The following TRAPPC9 variants were observed in gnomAD, a reference collection of about 807,000 sequenced individuals.
The protein encoded by TRAPPC9 is IKK2 binding protein.
Under a neutral mutation model 124.0 loss-of-function variants are expected in TRAPPC9, and 83 were observed. That is an observed-to-expected ratio of 0.67 (90% confidence interval 0.56 to 0.80). TRAPPC9 has a LOEUF of 0.80. TRAPPC9 is among the 30% of genes least tolerant of loss of function. The pLI, the probability that TRAPPC9 is intolerant of heterozygous loss-of-function variation, is 0.00. For synonymous variants in TRAPPC9, 638 were observed against 617.5 expected (o/e 1.03, Z -0.49); for missense variants, 1,302 against 1,508.3 (o/e 0.86, Z 2.27).
At chr8:140,112,766 C>T (rs2060806495) in intron 17 of TRAPPC9, among the ~76,000 whole-genome samples, 1 of 152,042 alleles carries the variant, frequency 6.6e-6, no homozygotes, top group Admixed American at 6.5e-5. Context: ...TCATGAGCTG[C>T]AATTCAAACC....
intron 19 of TRAPPC9, among the ~76,000 whole-genome samples, chr8:139,966,355 T>C (rs1211778166): frequency 6.6e-6 from 1 of 152,180 alleles, no homozygotes; most frequent in Admixed American, 6.5e-5. Context: ...CAGGGTGCTC[T>C]CACCCAGGGC....
chr8:140,195,743 G>T (rs988471908), intron 17 of TRAPPC9, among the ~76,000 whole-genome samples: 1 of 144,412 alleles, frequency 6.9e-6, no homozygotes, highest in Non-Finnish European at 1.5e-5. Context: ...AAAACACTCA[G>T]CAATCCACTG....
chr8:140,332,429 C>G (rs554805657), intron 9 of TRAPPC9, among the ~76,000 whole-genome samples: 1 of 152,188 alleles, frequency 6.6e-6, no homozygotes, highest in African/African-American at 2.4e-5. Flanking sequence ...AAAGTAACAA[C>G]AATTTTTTGT....
chr8:139,888,724 T>G (rs1358959952), intron 20 of TRAPPC9, among the ~76,000 whole-genome samples: 1 of 152,254 alleles, frequency 6.6e-6, no homozygotes, highest in African/African-American at 2.4e-5. Context: ...CAGCCTATGT[T>G]TGCTGAACTG....
In TRAPPC9 at chr8:140,365,303, C is replaced by T. The variant is rs112775062; in HGVS notation, c.1352-5110G>A. Among the ~76,000 whole-genome samples, 95 of 152,248 alleles carry T rather than the reference C, an allele frequency of 6.2e-4. No individual in the cohort carries two copies. The East Asian group carries it at 0.015, about 24-fold the overall frequency. ...GCATCCCACAGCTGGTCAGTAATGGCGTCCTGTGCTCCCACCAGCTGTGCA... is the reference window on the plus strand; with the variant it reads ...GCATCCCACAGCTGGTCAGTAATGGTGTCCTGTGCTCCCACCAGCTGTGCA... On this transcript the variant is annotated intron_variant, in intron 8 of 22. Coordinates refer to ENST00000438773, the MANE Select transcript of TRAPPC9 (RefSeq NM_001160372.4).
chr8:140,137,848 C>G (rs6996103), intron 17 of TRAPPC9, among the ~76,000 whole-genome samples: 1 of 152,068 alleles, frequency 6.6e-6, no homozygotes, highest in Non-Finnish European at 1.5e-5. Context: ...TAAACCATAA[C>G]CATATACGAT....
At chr8:139,811,732 T>C (rs758895172) in intron 21 of TRAPPC9, among the ~76,000 whole-genome samples, 47 of 152,226 alleles carry the variant, frequency 3.1e-4, no homozygotes, top group Admixed American at 3.9e-4. Context: ...ATCTAAATCC[T>C]AAATTCACCT....
chr8:140,025,093 A>G (rs1840062179), intron 17 of TRAPPC9, among the ~76,000 whole-genome samples: 1 of 152,214 alleles, frequency 6.6e-6, no homozygotes, highest in South Asian at 2.1e-4. Flanking sequence ...TGCACTCAGG[A>G]TGGCTGGGGA....
intron 7 of TRAPPC9, among the ~76,000 whole-genome samples, chr8:140,378,790 C>T (rs1314029999): frequency 6.6e-6 from 1 of 152,170 alleles, no homozygotes; most frequent in African/African-American, 2.4e-5. Context: ...TATTTTCTAT[C>T]CCTCCTATGT....
rs531887533 is a variant in TRAPPC9 at position 140,196,633 on chromosome 8, A to G, written c.2556+24826T>C. On this transcript the variant is annotated intron_variant, in intron 17 of 22. Coordinates refer to ENST00000438773, the MANE Select transcript of TRAPPC9 (RefSeq NM_001160372.4). ...CACCTGTGACACTAAAACACTCAAC[A>G]ATCCACTGTACAGATCACACCTGTA... Among the ~76,000 whole-genome samples, 145 of 149,542 alleles carry G rather than the reference A, an allele frequency of 9.7e-4. 3 individuals are homozygous for G. Among genetic ancestry groups the G allele is most frequent in the South Asian group, 7.8e-3 (36 of 4,644 alleles).
chr8:140,123,393 C>G (rs912357694), intron 17 of TRAPPC9, among the ~76,000 whole-genome samples: 1 of 152,234 alleles, frequency 6.6e-6, no homozygotes, highest in Non-Finnish European at 1.5e-5. Context: ...CTGCCTCTTG[C>G]TCAAATGCAG....
intron 21 of TRAPPC9, among the ~76,000 whole-genome samples, chr8:139,857,531 G>A (rs1827875995): frequency 6.6e-6 from 1 of 152,164 alleles, no homozygotes; most frequent in African/African-American, 2.4e-5. Flanking sequence ...CAAGTCCAAG[G>A]CCCGTTCACT....
chr8:139,768,792 C>G (rs1382978628), intron 21 of TRAPPC9, among the ~76,000 whole-genome samples: 1 of 152,190 alleles, frequency 6.6e-6, no homozygotes, highest in Non-Finnish European at 1.5e-5. Flanking sequence ...CCAAAAATTC[C>G]CATGTTGAAG....
Position 139,776,906 on chromosome 8 carries a change from G to A in TRAPPC9, c.3056-44704C>T, listed in dbSNP as rs35248145. 0.046 allele frequency among the ~76,000 whole-genome samples: 7,015 copies of A among 152,266 alleles called. 206 individuals carry two copies. The highest frequency in any genetic ancestry group is 0.072 in the Non-Finnish European group (4,871 of 68,026). On this transcript the variant is annotated intron_variant, in intron 21 of 22. Coordinates refer to ENST00000438773, the MANE Select transcript of TRAPPC9 (RefSeq NM_001160372.4). This position sits in a 1 kb window ranked among gnomAD's most constrained non-coding sequence, Gnocchi z 4.1. ...TTCGCCTAAACCACCAATTGATGAC[G>A]TGGGGGCTGTGCCTTGCACCCTCTG...
In TRAPPC9 at chr8:139,758,413, ACT is replaced by A. The variant is rs137992360; in HGVS notation, c.3056-26213_3056-26212del. On this transcript the variant is annotated intron_variant, in intron 21 of 22. Transcript: ENST00000438773. The stretch of plus-strand genomic sequence containing the variant: ...AAAGCTGAACTTGGCTCACATATTG[ACT>A]CTGTCAACATCCTAGCTCTCATACT... Among the ~76,000 whole-genome samples the A allele has an allele frequency of 8.5e-3, 1,290 of 152,238 alleles. 19 individuals are homozygous for A. The highest frequency in any genetic ancestry group is 0.03 in the African/African-American group (1,230 of 41,528).
intron 16 of TRAPPC9, among the ~76,000 whole-genome samples, chr8:140,228,367 C>T (rs1481960622): frequency 6.6e-6 from 1 of 152,150 alleles, no homozygotes; most frequent in Non-Finnish European, 1.5e-5. Context: ...ATAAAATATC[C>T]TCAAGAAAAC....
intron 19 of TRAPPC9, among the ~76,000 whole-genome samples, chr8:139,927,947 C>T (rs1048535097): frequency 6.6e-6 from 1 of 152,184 alleles, no homozygotes; most frequent in East Asian, 1.9e-4. Context: ...TGCTGTGGGA[C>T]AGACTGCAAA....
chr8:139,748,464 G>A lies in TRAPPC9; in HGVS notation c.3056-16262C>T, dbSNP rs529241949. Reference sequence around the variant, plus strand: ...TGTGCAGGGATCAGAGAAGATGCAGGGGGTACACACAGCAGGTGTCAGAGC... The same window carrying A: ...TGTGCAGGGATCAGAGAAGATGCAGAGGGTACACACAGCAGGTGTCAGAGC... On this transcript the variant is annotated intron_variant, in intron 21 of 22. Transcript: ENST00000438773. Among the ~76,000 whole-genome samples the A allele has an allele frequency of 7.4e-4, 106 of 142,348 alleles. 1 individual carries two copies. The South Asian group carries it at 0.012, about 15-fold the overall frequency. 93.4% of individuals were successfully genotyped at this position (142,348 alleles called of 152,430 possible). A position where few individuals can be genotyped will look rare whatever the true frequency, so the allele number is the denominator to read the frequency against.
chr8:139,882,970 G>A (rs147347263), intron 21 of TRAPPC9, among the ~76,000 whole-genome samples: 9 of 152,344 alleles, frequency 5.9e-5, no homozygotes, highest in East Asian at 1.9e-4. Flanking sequence ...GGGTGCTACG[G>A]ATTGAATGTC....
Sources: allele counts gnomAD v4.1 joint callset (sites outside exome capture counted in the v4.1 genomes callset), GRCh38; gene constraint gnomAD v4.1.1; non-coding constraint Gnocchi (gnomAD v3.1); transcripts MANE v1.5; gene names NCBI Gene and HGNC (gene_info 2026-07-23, HGNC 2026-07-21).